HOXC13: variants seen among roughly 807,000 people sequenced by gnomAD.
The protein encoded by HOXC13 is homeobox C13.
In HOXC13, 10 loss-of-function variants were observed where a neutral mutation model predicts 25.9. The observed-to-expected ratio is 0.39, with a 90% CI of 0.24 to 0.65. The LOEUF (loss-of-function observed/expected upper bound fraction) is 0.65, where lower values mean the gene tolerates loss of function less well. Among genes scored for constraint, HOXC13 ranks in the 30% least tolerant of loss-of-function variants. The probability of loss-of-function intolerance (pLI) is 0.50; values close to 1 mark genes in which losing one functional copy is unlikely to be tolerated. For synonymous variants in HOXC13, 233 were observed against 217.1 expected, an observed-to-expected ratio of 1.07 and a Z score of -0.64; for missense variants, 439 against 478.3, an observed-to-expected ratio of 0.92 and a Z score of 0.77.
intron 1 of HOXC13, among the ~76,000 whole-genome samples, chr12:53,943,485 T>TA (rs1264729182): frequency 6.6e-6 from 1 of 152,254 alleles, no homozygotes; most frequent in Non-Finnish European, 1.5e-5. Context: ...TAGATTTTTT[T>TA]AAATCATAGT....
Position 53,939,804 on chromosome 12 carries a change from G to C in HOXC13, c.736+162G>C, listed in dbSNP as rs1044000854. Reference sequence around the variant, plus strand: ...GGCGAGCTGCACTGAGGAATGCGCCGGGGAAGAAATCTGCTCCGACACGTT... The same window carrying C: ...GGCGAGCTGCACTGAGGAATGCGCCCGGGAAGAAATCTGCTCCGACACGTT... On this transcript the variant is annotated intron_variant, in intron 1 of 1. Transcript: ENST00000243056. The surrounding 1 kb of genome is among the most constrained non-coding windows in gnomAD (Gnocchi z 6.7). Among the ~76,000 whole-genome samples the C allele has an allele frequency of 6.6e-6, 1 of 152,198 alleles. No individual in the cohort carries two copies. Among genetic ancestry groups the C allele is most frequent in the African/African-American group, 2.4e-5 (1 of 41,456 alleles).
In HOXC13 at chr12:53,939,033, G is replaced by T; in HGVS notation, c.127G>T (p.Gly43Trp). 1 of 1,468,484 alleles carries T rather than the reference G, an allele frequency of 6.8e-7. No individual in the cohort carries two copies. The highest frequency in any genetic ancestry group is 1.5e-5 in the African/African-American group (1 of 68,008). 91.0% of individuals were successfully genotyped at this position (1,468,484 alleles called of 1,614,324 possible). The change falls in exon 1 of 2, where the codon GGG (glycine) becomes TGG (tryptophan). Residue 43 changes from glycine to tryptophan, a missense_variant. Coordinates refer to ENST00000243056, the MANE Select transcript of HOXC13 (RefSeq NM_017410.3). The surrounding 1 kb of genome is among the most constrained non-coding windows in gnomAD (Gnocchi z 6.7). ...GGGGGGTGGA[G>W]GGCSGASPGK... ...AGGAGGCGGCGGCACGGGCGGAGCG[G>T]GGGGTGGCTGCAGCGGAGCGAGCCC... is the stretch of plus-strand genomic sequence containing the variant.
At position 53,939,949 on chromosome 12, in the gene HOXC13, G is replaced by T. The variant is rs1436132398; in HGVS notation, c.736+307G>T. On this transcript the variant is annotated intron_variant, in intron 1 of 1. Coordinates refer to ENST00000243056, the MANE Select transcript of HOXC13 (RefSeq NM_017410.3). This position sits in a 1 kb window ranked among gnomAD's most constrained non-coding sequence, Gnocchi z 6.7. Reference sequence around the variant, plus strand: ...CTTGCAGGCTCCAGCCTCCCGCCGGGCTCTTGGCCCCTAAACCTGCTTCCG... The same window carrying T: ...CTTGCAGGCTCCAGCCTCCCGCCGGTCTCTTGGCCCCTAAACCTGCTTCCG... 6.6e-6 allele frequency among the ~76,000 whole-genome samples: 1 copy of T among 152,230 alleles called. No homozygotes were observed. The highest frequency in any genetic ancestry group is 1.5e-5 in the Non-Finnish European group (1 of 68,038).
In HOXC13 at chr12:53,944,854, A is replaced by G. The variant is rs961978566; in HGVS notation, c.737-146A>G. The stretch of plus-strand genomic sequence containing the variant: ...TGGTCTTGCTAAAATAACAGAAATG[A>G]AAAGCATTAGGGAGCTTCACTATGC... On this transcript the variant is annotated intron_variant, in intron 1 of 1. Coordinates refer to ENST00000243056, the MANE Select transcript of HOXC13 (RefSeq NM_017410.3). The G allele has an allele frequency of 2.9e-6, 3 of 1,024,904 alleles. No homozygotes were observed. The African/African-American group carries it at 4.8e-5, about 16-fold the overall frequency. 63.5% of individuals were successfully genotyped at this position (1,024,904 alleles called of 1,614,324 possible).
chr12:53,939,580 G>C lies in HOXC13; in HGVS notation c.674G>C (p.Ser225Thr), dbSNP rs1404964751. 1.9e-6 allele frequency: 3 copies of C among 1,609,402 alleles called. No homozygotes were observed. The highest frequency in any genetic ancestry group is 1.7e-4 in the Middle Eastern group (1 of 6,050). The change falls in exon 1 of 2, where the codon AGT becomes ACT. Residue 225 changes from serine (S) to threonine (T), a missense_variant. Ser to Thr is a moderately conservative substitution (Grantham distance 58, BLOSUM62 1). Transcript: ENST00000243056. This position sits in a 1 kb window ranked among gnomAD's most constrained non-coding sequence, Gnocchi z 6.7. Reference protein sequence around the residue: ...QHWALSNGWDSQVYCSKEQSQ... With the variant: ...QHWALSNGWDTQVYCSKEQSQ... ...TGGGCTCTCTCCAATGGCTGGGACA[G>C]TCAGGTGTACTGCTCCAAGGAGCAG...
rs1592185995 is a variant in HOXC13 at position 53,945,668 on chromosome 12, G to T, written c.*412G>T. ...TCATCCTATGACCAGGCTTTTAGAGGACCTTCCCTAAGGGCGCAGCTTCGG... is the reference window on the plus strand; with the variant it reads ...TCATCCTATGACCAGGCTTTTAGAGTACCTTCCCTAAGGGCGCAGCTTCGG... On this transcript the variant is annotated 3_prime_UTR_variant, in exon 2 of 2. Coordinates refer to ENST00000243056, the MANE Select transcript of HOXC13 (RefSeq NM_017410.3). The surrounding 1 kb of genome is among the most constrained non-coding windows in gnomAD (Gnocchi z 4.4). 1 of 296,356 alleles carries T rather than the reference G, an allele frequency of 3.4e-6. No homozygotes were observed. Among genetic ancestry groups the T allele is most frequent in the East Asian group, 4.8e-5 (1 of 20,868 alleles). The allele number at this position is 296,356 out of a possible 1,614,324, so 18.4% of individuals were successfully genotyped here. A position where few individuals can be genotyped will look rare whatever the true frequency, so the allele number is the denominator to read the frequency against.
At position 53,945,093 on chromosome 12, in the gene HOXC13, A is replaced by G. The variant is rs778170288; in HGVS notation, c.830A>G (p.Lys277Arg). 4.3e-6 allele frequency: 7 copies of G among 1,614,050 alleles called. No homozygotes were observed. In the African/African-American group the frequency reaches 6.7e-5, roughly 15 times the overall value. The change falls in exon 2 of 2, where the codon AAG (lysine) becomes AGG (arginine). Residue 277 changes from lysine (K) to arginine (R), a missense_variant. Lys to Arg is a conservative substitution (Grantham distance 26). Coordinates refer to ENST00000243056, the MANE Select transcript of HOXC13 (RefSeq NM_017410.3). This position sits in a 1 kb window ranked among gnomAD's most constrained non-coding sequence, Gnocchi z 4.4. Reference sequence around the variant, plus strand: ...AAGGTGCAGCTGAAGGAGCTAGAGAAGGAATACGCGGCTAGCAAGTTCATC... The same window carrying G: ...AAGGTGCAGCTGAAGGAGCTAGAGAGGGAATACGCGGCTAGCAAGTTCATC... ...YTKVQLKELE[K>R]EYAASKFITK...
intron 1 of HOXC13, among the ~76,000 whole-genome samples, chr12:53,940,874 A>G (rs1938600782): frequency 1.3e-5 from 2 of 152,216 alleles, no homozygotes; most frequent in Non-Finnish European, 2.9e-5. Context: ...CTTGGAAAGC[A>G]TAGACCCAAA....
chr12:53,946,248 A>G lies in HOXC13; in HGVS notation c.*992A>G, dbSNP rs1209812869. The G allele has an allele frequency of 8.8e-6, 2 of 228,220 alleles. No homozygotes were observed. Among genetic ancestry groups the G allele is most frequent in the Non-Finnish European group, 1.7e-5 (2 of 114,688 alleles). 14.1% of individuals were successfully genotyped at this position (228,220 alleles called of 1,614,324 possible). On this transcript the variant is annotated 3_prime_UTR_variant, in exon 2 of 2. Transcript: ENST00000243056. ...TTACTGATTTCCAGAGGAAAGCTAG[A>G]GGATCTAGTTCAAGAGGCAAGAAGA...
chr12:53,944,964 G>A lies in HOXC13; in HGVS notation c.737-36G>A, dbSNP rs114771572. Reference sequence around the variant, plus strand: ...GTCCTCTATCTCAGTCCAGCCGCTTGCCTCACTTCTTCCCGCTTGCCTTAT... The same window carrying A: ...GTCCTCTATCTCAGTCCAGCCGCTTACCTCACTTCTTCCCGCTTGCCTTAT... On this transcript the variant is annotated intron_variant, in intron 1 of 1. Coordinates refer to ENST00000243056, the MANE Select transcript of HOXC13 (RefSeq NM_017410.3). 884 of 1,610,688 alleles carry A rather than the reference G, an allele frequency of 5.5e-4. 4 individuals are homozygous for A. The African/African-American group carries it at 9.7e-3, about 18-fold the overall frequency.
At position 53,945,868 on chromosome 12, in the gene HOXC13, C is replaced by T; in HGVS notation, c.*612C>T. 4.3e-6 allele frequency: 1 copy of T among 233,796 alleles called. No individual in the cohort carries two copies. Among genetic ancestry groups the T allele is most frequent in the Admixed American group, 5.5e-5 (1 of 18,336 alleles). The allele number at this position is 233,796 out of a possible 1,614,324, so 14.5% of individuals were successfully genotyped here. Reference sequence around the variant, plus strand: ...GGATGTTTCCGTAAAAGCTGGAATTCCGTAAAAGCATTGACGCAGCCCCTA... The same window carrying T: ...GGATGTTTCCGTAAAAGCTGGAATTTCGTAAAAGCATTGACGCAGCCCCTA... On this transcript the variant is annotated 3_prime_UTR_variant, in exon 2 of 2. Transcript: ENST00000243056. This position sits in a 1 kb window ranked among gnomAD's most constrained non-coding sequence, Gnocchi z 4.4.
chr12:53,941,216 C>A (rs1236442086), intron 1 of HOXC13, among the ~76,000 whole-genome samples: 3 of 152,214 alleles, frequency 2.0e-5, no homozygotes, highest in Non-Finnish European at 4.4e-5. Flanking sequence ...TCTAGAAAGA[C>A]AATTCACATG....
chr12:53,940,809 CCG>C (rs1938599313), intron 1 of HOXC13, among the ~76,000 whole-genome samples: 1 of 152,108 alleles, frequency 6.6e-6, no homozygotes, highest in Non-Finnish European at 1.5e-5. Flanking sequence ...CAGATGTCTC[CCG>C]ACAGTGCCCA....
intron 1 of HOXC13, among the ~76,000 whole-genome samples, chr12:53,940,159 A>C (rs1409484023): frequency 2.6e-5 from 4 of 152,246 alleles, no homozygotes; most frequent in African/African-American, 9.6e-5. Context: ...GTCTACAGAA[A>C]TGTGAGATTT....
At chr12:53,940,828 C>T (rs1220527028) in intron 1 of HOXC13, among the ~76,000 whole-genome samples, 2 of 152,110 alleles carry the variant, frequency 1.3e-5, no homozygotes, top group Non-Finnish European at 2.9e-5. Flanking sequence ...CCCAGCTCCC[C>T]GACCAGCTCC....
chr12:53,940,406 CAGAA>C (rs1409726286), intron 1 of HOXC13, among the ~76,000 whole-genome samples: 7 of 152,200 alleles, frequency 4.6e-5, no homozygotes, highest in Non-Finnish European at 7.3e-5. Flanking sequence ...GCCCCAGACA[CAGAA>C]AGAAGGGCGT....
intron 1 of HOXC13, among the ~76,000 whole-genome samples, chr12:53,943,261 TAAC>T (rs1338546344): frequency 3.9e-5 from 6 of 152,110 alleles, no homozygotes; most frequent in African/African-American, 1.2e-4. Context: ...AAAACAACAA[TAAC>T]AACAACAAAA....
Position 53,946,493 on chromosome 12 carries a change from GA to G in HOXC13, c.*1244del, listed in dbSNP as rs1395110120. 4 of 200,358 alleles carry G rather than the reference GA, an allele frequency of 2.0e-5. No homozygotes were observed. Among genetic ancestry groups the G allele is most frequent in the Non-Finnish European group, 3.1e-5 (3 of 97,062 alleles). The allele number at this position is 200,358 out of a possible 1,614,324, so 12.4% of individuals were successfully genotyped here. A position where few individuals can be genotyped will look rare whatever the true frequency, so the allele number is the denominator to read the frequency against. On this transcript the variant is annotated 3_prime_UTR_variant, in exon 2 of 2. Transcript: ENST00000243056. The stretch of plus-strand genomic sequence containing the variant: ...ATGACAATGTACTGAATGCAAAAAG[GA>G]AAAAAACCCACAAACATGTTTTTAA...
chr12:53,945,189 A>G lies in HOXC13; in HGVS notation c.926A>G (p.Gln309Arg). Residue 309 changes from glutamine (Q) to arginine (R), a missense_variant, in exon 2 of 2, where the codon CAG becomes CGG. Coordinates refer to ENST00000243056, the MANE Select transcript of HOXC13 (RefSeq NM_017410.3). The surrounding 1 kb of genome is among the most constrained non-coding windows in gnomAD (Gnocchi z 4.4). ...LSERQVTIWFQNRRVKEKKVV... is the reference protein window; with the variant it reads ...LSERQVTIWFRNRRVKEKKVV... ...GAGCGCCAGGTAACCATCTGGTTCCAGAACCGGCGGGTCAAAGAGAAGAAG... is the reference window on the plus strand; with the variant it reads ...GAGCGCCAGGTAACCATCTGGTTCCGGAACCGGCGGGTCAAAGAGAAGAAG... The G allele has an allele frequency of 6.2e-7, 1 of 1,614,230 alleles. No individual in the cohort carries two copies. The highest frequency in any genetic ancestry group is 8.5e-7 in the Non-Finnish European group (1 of 1,180,044).
Sources: allele counts gnomAD v4.1 joint callset (sites outside exome capture counted in the v4.1 genomes callset), GRCh38; gene constraint gnomAD v4.1.1; non-coding constraint Gnocchi (gnomAD v3.1); transcripts MANE v1.5; gene names NCBI Gene and HGNC (gene_info 2026-07-23, HGNC 2026-07-21).